The following DPYSL2 variants were observed in gnomAD, a reference collection of about 807,000 sequenced individuals.
The protein encoded by DPYSL2 is dihydropyrimidinase like 2, also known as dihydropyrimidinase-related protein 2.
In DPYSL2, 13 loss-of-function variants were observed where a neutral mutation model predicts 69.9. That is an observed-to-expected ratio of 0.19 (90% confidence interval 0.12 to 0.30). The LOEUF (loss-of-function observed/expected upper bound fraction) is 0.30. Among genes scored for constraint, DPYSL2 ranks in the 10% least tolerant of loss-of-function variants. DPYSL2 has a pLI of 1.00. For missense variants in DPYSL2, 587 were observed against 918.9 expected (o/e 0.64, Z 4.67); for synonymous variants, 326 against 359.1 (o/e 0.91, Z 1.04).
intron 8 of DPYSL2, among the ~76,000 whole-genome samples, chr8:26,636,812 C>T (rs1458269796): frequency 6.6e-6 from 1 of 152,294 alleles, no homozygotes; most frequent in East Asian, 1.9e-4. Flanking sequence ...GCCATCTCAG[C>T]TCACTGCAGT....
chr8:26,579,921 A>C lies in DPYSL2; in HGVS notation c.355-2048A>C, dbSNP rs1174286922. On this transcript the variant is annotated intron_variant, in intron 1 of 13. Coordinates refer to ENST00000521913, the MANE Select transcript of DPYSL2 (RefSeq NM_001197293.3). ...AAAAATTAAAAGCAAACGATCAACA[A>C]GACTTTTTTTTTTTTTTTTTTTTTT... Among the ~76,000 whole-genome samples, 8 of 88,424 alleles carry C rather than the reference A, an allele frequency of 9.0e-5. No individual in the cohort carries two copies. In the East Asian group the frequency reaches 3.2e-3, roughly 36 times the overall value. 58.0% of individuals were successfully genotyped at this position (88,424 alleles called of 152,430 possible).
At chr8:26,589,744 G>C (rs1382587184) in intron 3 of DPYSL2, among the ~76,000 whole-genome samples, 1 of 152,222 alleles carries the variant, frequency 6.6e-6, no homozygotes, top group Non-Finnish European at 1.5e-5. Flanking sequence ...CCTCTGTCTG[G>C]GCTGTTCTTC....
intron 1 of DPYSL2, among the ~76,000 whole-genome samples, chr8:26,568,625 C>T (rs1801189532): frequency 2.0e-5 from 3 of 152,286 alleles, no homozygotes; most frequent in African/African-American, 7.2e-5. Context: ...CCGAAATGGA[C>T]AAATGGCCAA....
In DPYSL2 at chr8:26,602,883, C is replaced by A. The variant is rs1802022820; in HGVS notation, c.628+18900C>A. Among the ~76,000 whole-genome samples, 4 of 152,168 alleles carry A rather than the reference C, an allele frequency of 2.6e-5. 1 individual carries two copies. The South Asian group carries it at 8.3e-4, about 32-fold the overall frequency. Reference sequence around the variant, plus strand: ...AATCTTTAAAATCTGCCTGGGAGAGCCAAGAGAGGCTTCAGCCAATAGGTC... The same window carrying A: ...AATCTTTAAAATCTGCCTGGGAGAGACAAGAGAGGCTTCAGCCAATAGGTC... On this transcript the variant is annotated intron_variant, in intron 3 of 13. Transcript: ENST00000521913.
At chr8:26,615,576 G>T (rs192928908) in intron 3 of DPYSL2, among the ~76,000 whole-genome samples, 366 of 152,220 alleles carry the variant, frequency 2.4e-3, no homozygotes, top group African/African-American at 7.9e-3. Flanking sequence ...CTAGAGGCAG[G>T]TGTGATGTTT....
rs1803421518 is a variant in DPYSL2 at position 26,657,568 on chromosome 8, A to G, written c.*1862A>G. 6.6e-6 allele frequency: 1 copy of G among 152,598 alleles called. No homozygotes were observed. The highest frequency in any genetic ancestry group is 6.5e-5 in the Admixed American group (1 of 15,280). The allele number at this position is 152,598 out of a possible 1,614,324, so 9.5% of individuals were successfully genotyped here. On this transcript the variant is annotated 3_prime_UTR_variant, in exon 14 of 14. Coordinates refer to ENST00000521913, the MANE Select transcript of DPYSL2 (RefSeq NM_001197293.3). Reference sequence around the variant, plus strand: ...GTTGTTTATTTGTTATTTTAAAGGTAAATTGCACTTTTAAAAAAATAATTG... The same window carrying G: ...GTTGTTTATTTGTTATTTTAAAGGTGAATTGCACTTTTAAAAAAATAATTG...
chr8:26,523,660 T>G (rs1180665058), intron 1 of DPYSL2, among the ~76,000 whole-genome samples: 1 of 152,134 alleles, frequency 6.6e-6, no homozygotes. Flanking sequence ...CCTTACTTTT[T>G]TTTTCTTTTT....
chr8:26,637,108 T>C (rs1033963593), intron 8 of DPYSL2, among the ~76,000 whole-genome samples: 3 of 152,192 alleles, frequency 2.0e-5, no homozygotes, highest in Non-Finnish European at 4.4e-5. Context: ...GAGGGGACTT[T>C]AGTCTGTTCC....
At chr8:26,603,591 C>T (rs1363495538) in intron 3 of DPYSL2, among the ~76,000 whole-genome samples, 1 of 152,214 alleles carries the variant, frequency 6.6e-6, no homozygotes, top group Non-Finnish European at 1.5e-5. Context: ...TCACCGTGGT[C>T]CACTTCCAGA....
At chr8:26,556,008 T>G (rs1442029821) in intron 1 of DPYSL2, among the ~76,000 whole-genome samples, 1 of 106,572 alleles carries the variant, frequency 9.4e-6, no homozygotes, top group Non-Finnish European at 1.7e-5. Flanking sequence ...ATAGTATATA[T>G]TATATATATA....
rs1435524287 is a variant in DPYSL2 at position 26,533,447 on chromosome 8, G to T, written c.354+18768G>T. Among the ~76,000 whole-genome samples the T allele has an allele frequency of 6.6e-6, 1 of 152,088 alleles. No homozygotes were observed. ...TTTAAGAGCGTATTTCCTATTCCAA[G>T]GTCACAAAGACTTACCCCTGTGTTT... On this transcript the variant is annotated intron_variant, in intron 1 of 13. Coordinates refer to ENST00000521913, the MANE Select transcript of DPYSL2 (RefSeq NM_001197293.3). The surrounding 1 kb of genome is among the most constrained non-coding windows in gnomAD (Gnocchi z 4.8).
chr8:26,602,104 A>G (rs1802005200), intron 3 of DPYSL2, among the ~76,000 whole-genome samples: 1 of 151,312 alleles, frequency 6.6e-6, no homozygotes, highest in Non-Finnish European at 1.5e-5. Flanking sequence ...AGTTATAGAG[A>G]ACAGGAATTT....
chr8:26,537,610 CT>C lies in DPYSL2; in HGVS notation c.354+22932del, dbSNP rs1167376682. Among the ~76,000 whole-genome samples, 5 of 25,320 alleles carry C rather than the reference CT, an allele frequency of 2.0e-4. No homozygotes were observed. The Admixed American group carries it at 2.9e-3, about 15-fold the overall frequency. 16.6% of individuals were successfully genotyped at this position (25,320 alleles called of 152,430 possible). A position where few individuals can be genotyped will look rare whatever the true frequency, so the allele number is the denominator to read the frequency against. On this transcript the variant is annotated intron_variant, in intron 1 of 13. Coordinates refer to ENST00000521913, the MANE Select transcript of DPYSL2 (RefSeq NM_001197293.3). ...CATTGACCTTACTATCATTCTCTCTCTACACACACACACACACACACACAAC... is the reference window on the plus strand; with the variant it reads ...CATTGACCTTACTATCATTCTCTCTCACACACACACACACACACACACAAC...
At chr8:26,527,582 G>A (rs1195194655) in intron 1 of DPYSL2, among the ~76,000 whole-genome samples, 1 of 152,046 alleles carries the variant, frequency 6.6e-6, no homozygotes, top group Non-Finnish European at 1.5e-5. Flanking sequence ...GAGATTTCTG[G>A]TTTGGGTTTT....
Position 26,647,762 on chromosome 8 carries a change from G to A in DPYSL2, c.1558G>A (p.Asp520Asn), listed in dbSNP as rs915186717. 2.2e-5 allele frequency: 36 copies of A among 1,613,870 alleles called. 1 individual carries two copies. In the Admixed American group the frequency reaches 3.0e-4, roughly 13 times the overall value. The change falls in exon 11 of 14, where the codon GAC (aspartate) becomes AAC (asparagine). Residue 520 changes from aspartate (D) to asparagine (N), a missense_variant. By Grantham distance (23) the Asp-to-Asn change is conservative. Coordinates refer to ENST00000521913, the MANE Select transcript of DPYSL2 (RefSeq NM_001197293.3). This position sits in a 1 kb window ranked among gnomAD's most constrained non-coding sequence, Gnocchi z 5.1. ...TGCCGACCTGGTCATCTGGGACCCC[G>A]ACAGCGTTAAAACCATCTCTGCCAA... ...SDADLVIWDP[D>N]SVKTISAKTH... is the part of the protein sequence containing the mutation.
At chr8:26,540,983 A>G (rs1242842019) in intron 1 of DPYSL2, among the ~76,000 whole-genome samples, 1 of 152,132 alleles carries the variant, frequency 6.6e-6, no homozygotes, top group African/African-American at 2.4e-5. Context: ...TTGAACCATC[A>G]TAAGTCCAGA....
intron 1 of DPYSL2, among the ~76,000 whole-genome samples, chr8:26,568,070 A>G (rs1801181212): frequency 1.3e-5 from 2 of 152,192 alleles, no homozygotes; most frequent in Non-Finnish European, 2.9e-5. Flanking sequence ...CCCACAAATG[A>G]GACTGATGGT....
rs117120640 is a variant in DPYSL2 at position 26,636,374 on chromosome 8, A to C, written c.1126+1474A>C. On this transcript the variant is annotated intron_variant, in intron 8 of 13. Coordinates refer to ENST00000521913, the MANE Select transcript of DPYSL2 (RefSeq NM_001197293.3). Reference sequence around the variant, plus strand: ...CCCACGTAGTGTGGGGATGGTTGGCATAGTGTCTGAAAGGGGGAAAGAATG... The same window carrying C: ...CCCACGTAGTGTGGGGATGGTTGGCCTAGTGTCTGAAAGGGGGAAAGAATG... Among the ~76,000 whole-genome samples the C allele has an allele frequency of 1.6e-3, 249 of 152,328 alleles. 4 individuals are homozygous for C. In the East Asian group the frequency reaches 0.023, roughly 14 times the overall value.
At chr8:26,569,542 T>A (rs149901333) in intron 1 of DPYSL2, among the ~76,000 whole-genome samples, 1 of 152,244 alleles carries the variant, frequency 6.6e-6, no homozygotes, top group Non-Finnish European at 1.5e-5. Context: ...TTAACTCTTG[T>A]TTGTTGAGTG....
Sources: allele counts gnomAD v4.1 joint callset (sites outside exome capture counted in the v4.1 genomes callset), GRCh38; gene constraint gnomAD v4.1.1; non-coding constraint Gnocchi (gnomAD v3.1); transcripts MANE v1.5; gene names NCBI Gene and HGNC (gene_info 2026-07-23, HGNC 2026-07-21).